MYO10: variants seen among roughly 807,000 people sequenced by gnomAD.
MYO10 encodes the protein myosin X.
In MYO10, 133 loss-of-function variants were observed where a neutral mutation model predicts 257.3. The ratio of observed to expected loss-of-function variants is 0.52; its 90% CI spans 0.45 to 0.60. The LOEUF (loss-of-function observed/expected upper bound fraction) is 0.60. Ranked by LOEUF, MYO10 falls within the 20% of genes least tolerant of loss-of-function variation. The pLI is 0.00. For synonymous variants in MYO10, 1,104 were observed against 1,028.6 expected (o/e 1.07, Z -1.40); for missense variants, 2,399 against 2,635.7 (o/e 0.91, Z 1.97).
At chr5:16,678,432 T>C (rs1736836045) in intron 33 of MYO10, among the ~76,000 whole-genome samples, 1 of 152,048 alleles carries the variant, frequency 6.6e-6, no homozygotes, top group South Asian at 2.1e-4. Context: ...ATACAAAAAT[T>C]AGCTGGGCGT....
At chr5:16,894,705 G>T (rs557891771) in intron 1 of MYO10, among the ~76,000 whole-genome samples, 2 of 152,286 alleles carry the variant, frequency 1.3e-5, no homozygotes, top group African/African-American at 4.8e-5. Context: ...CAGTCCAATG[G>T]GGATGAAGTG....
At chr5:16,782,539 C>G (rs1180117114) in intron 5 of MYO10, among the ~76,000 whole-genome samples, 1 of 152,210 alleles carries the variant, frequency 6.6e-6, no homozygotes, top group Non-Finnish European at 1.5e-5. Context: ...GCGCCGTACA[C>G]TGAAAAACAG....
chr5:16,929,016 G>A (rs249135), intron 1 of MYO10, among the ~76,000 whole-genome samples: 3 of 150,404 alleles, frequency 2.0e-5, no homozygotes, highest in Admixed American at 6.6e-5. Context: ...GCAGTGGCGC[G>A]ATCTCAGCTC....
chr5:16,840,863 G>A (rs768449908), intron 2 of MYO10, among the ~76,000 whole-genome samples: 10 of 152,020 alleles, frequency 6.6e-5, no homozygotes, highest in Non-Finnish European at 1.2e-4. Flanking sequence ...ATTTCAGGCC[G>A]AGTGCAGTGC....
In MYO10 at chr5:16,936,148, C is replaced by T. The variant is rs890464470; in HGVS notation, c.-340G>A. The T allele has an allele frequency of 2.9e-5, 10 of 348,244 alleles. No individual in the cohort carries two copies. Among genetic ancestry groups the T allele is most frequent in the Non-Finnish European group, 4.2e-5 (8 of 189,966 alleles). The allele number at this position is 348,244 out of a possible 1,614,324, so 21.6% of individuals were successfully genotyped here. A position where few individuals can be genotyped will look rare whatever the true frequency, so the allele number is the denominator to read the frequency against. ...GGGTGCTGGCGAGCGCGGCCCCCTC[C>T]CTCTGCGCTCCGGCCGGGGGCCCTC... On this transcript the variant is annotated 5_prime_UTR_variant, in exon 1 of 41. Transcript: ENST00000513610.
At chr5:16,770,843 A>C (rs1028942045) in intron 9 of MYO10, among the ~76,000 whole-genome samples, 1 of 152,176 alleles carries the variant, frequency 6.6e-6, no homozygotes, top group African/African-American at 2.4e-5. Flanking sequence ...ATCTCGGCTC[A>C]CCGCACCCCG....
chr5:16,724,472 C>G (rs926366040), intron 19 of MYO10, among the ~76,000 whole-genome samples: 3 of 152,194 alleles, frequency 2.0e-5, no homozygotes, highest in Middle Eastern at 3.4e-3. Context: ...GACACTAGTT[C>G]AAATATGACT....
At chr5:16,703,876 G>A in intron 22 of MYO10, among the ~76,000 whole-genome samples, 1 of 78,166 alleles carries the variant, frequency 1.3e-5, no homozygotes, top group Non-Finnish European at 2.1e-5. Context: ...GCGAGACTCT[G>A]TCTCAAAAAA....
intron 30 of MYO10, among the ~76,000 whole-genome samples, chr5:16,683,101 C>G (rs1398208984): frequency 6.6e-6 from 1 of 152,180 alleles, no homozygotes; most frequent in Non-Finnish European, 1.5e-5. Context: ...CAGAAGGGCT[C>G]TTGTCAACGG....
chr5:16,728,827 G>C (rs1375987487), intron 19 of MYO10, among the ~76,000 whole-genome samples: 1 of 152,226 alleles, frequency 6.6e-6, no homozygotes, highest in Non-Finnish European at 1.5e-5. Context: ...ACGGCTGCCT[G>C]TCCATGGCAA....
intron 2 of MYO10, 68 bp downstream of exon 2, chr5:16,877,541 A>G (rs1243446122): frequency 2.3e-6 from 3 of 1,277,694 alleles, no homozygotes; most frequent in African/African-American, 2.9e-5. Flanking sequence ...CCAAGCACAC[A>G]TGCCCTGGGC....
In MYO10 at chr5:16,742,245, C is replaced by G. The variant is rs886980225; in HGVS notation, c.1929+12583G>C. 15 of 985,216 alleles carry G rather than the reference C, an allele frequency of 1.5e-5. No homozygotes were observed. The African/African-American group carries it at 2.1e-4, about 14-fold the overall frequency. 61.0% of individuals were successfully genotyped at this position (985,216 alleles called of 1,614,324 possible). ...CTCTTTGCTGGTGCTGAGCTTCACT[C>G]GCTGCAATTTATCCTGATCTCTACA... On this transcript the variant is annotated intron_variant, in intron 19 of 40. Coordinates refer to ENST00000513610, the MANE Select transcript of MYO10 (RefSeq NM_012334.3).
At chr5:16,863,794 T>C (rs1003288621) in intron 2 of MYO10, among the ~76,000 whole-genome samples, 1 of 151,978 alleles carries the variant, frequency 6.6e-6, no homozygotes, top group African/African-American at 2.4e-5. Flanking sequence ...ACTACCAGAG[T>C]AGAAACAACA....
intron 19 of MYO10, chr5:16,741,881 A>T: frequency 2.0e-6 from 2 of 985,394 alleles, no homozygotes; most frequent in Non-Finnish European, 2.4e-6. Flanking sequence ...AAGGGCATCT[A>T]AGCTGACAGA....
At chr5:16,784,906 TCTG>T (rs1682351795) in intron 4 of MYO10, among the ~76,000 whole-genome samples, 1 of 152,170 alleles carries the variant, frequency 6.6e-6, no homozygotes, top group African/African-American at 2.4e-5. Flanking sequence ...TTTCACCTGC[TCTG>T]CTAGCGACAG....
intron 2 of MYO10, among the ~76,000 whole-genome samples, chr5:16,870,682 T>C (rs774064585): frequency 7.3e-4 from 111 of 152,032 alleles, no homozygotes; most frequent in Non-Finnish European, 9.4e-4. Flanking sequence ...CATCTGAGGT[T>C]GGGAGTTGGA....
intron 21 of MYO10, 62 bp downstream of exon 21, chr5:16,710,846 G>A: frequency 1.4e-6 from 2 of 1,408,774 alleles, no homozygotes; most frequent in Non-Finnish European, 2.0e-6. Flanking sequence ...CCTAAACCCT[G>A]TGAGCATCAC....
At chr5:16,789,532 A>G (rs1457503839) in intron 4 of MYO10, among the ~76,000 whole-genome samples, 2 of 152,214 alleles carry the variant, frequency 1.3e-5, no homozygotes, top group Non-Finnish European at 2.9e-5. Context: ...TCATGCCTGT[A>G]ATCTTAGCAC....
chr5:16,777,839 C>CTTTTTTTTTT lies in MYO10; in HGVS notation c.930+1696_930+1705dup, dbSNP rs61326508. Among the ~76,000 whole-genome samples, 70 of 88,470 alleles carry CTTTTTTTTTT rather than the reference C, an allele frequency of 7.9e-4. 7 individuals are homozygous for CTTTTTTTTTT. The highest frequency in any genetic ancestry group is 3.5e-3 in the African/African-American group (65 of 18,644). The allele number at this position is 88,470 out of a possible 152,430, so 58.0% of individuals were successfully genotyped here. A position where few individuals can be genotyped will look rare whatever the true frequency, so the allele number is the denominator to read the frequency against. On this transcript the variant is annotated intron_variant, in intron 9 of 40. Coordinates refer to ENST00000513610, the MANE Select transcript of MYO10 (RefSeq NM_012334.3). ...GCCACCCTAGGTGCATTGCATCTAACTTTTTTTTTTTTTTTTTTTTTTTTT... is the reference window on the plus strand; with the variant it reads ...GCCACCCTAGGTGCATTGCATCTAACTTTTTTTTTTTTTTTTTTTTTTTTTTTTTTTTTTT...
Sources: gnomAD v4.1 joint callset for allele counts (sites outside exome capture counted in the v4.1 genomes callset) on GRCh38, gnomAD v4.1.1 for gene constraint, MANE v1.5 for transcripts, NCBI Gene and HGNC (gene_info 2026-07-23, HGNC 2026-07-21) for gene names.